The following AGBL1 variants were observed in gnomAD, a reference collection of about 807,000 sequenced individuals.
AGBL1 encodes the protein AGBL carboxypeptidase 1, also known as cytosolic carboxypeptidase 4.
AGBL1 carries 130 observed loss-of-function variants against 118.9 expected under a neutral mutation model. The observed-to-expected ratio is 1.09, with a 90% confidence interval of 0.95 to 1.26. The LOEUF (loss-of-function observed/expected upper bound fraction) is 1.26. AGBL1 is among the 50% of genes most tolerant of loss of function. AGBL1 has a pLI of 0.00. For synonymous variants in AGBL1, 555 were observed against 478.9 expected, an observed-to-expected ratio of 1.16 and a Z score of -2.08; for missense variants, 1,584 against 1,298.1, an observed-to-expected ratio of 1.22 and a Z score of -3.38.
intron 22 of AGBL1, among the ~76,000 whole-genome samples, chr15:86,718,390 G>T (rs1427645959): frequency 6.6e-6 from 1 of 152,198 alleles, no homozygotes; most frequent in East Asian, 1.9e-4. Context: ...GCCTCGTGGG[G>T]TGGGTGTAGG....
chr15:86,297,089 G>A (rs2079657228), intron 17 of AGBL1: 1 of 152,066 alleles, frequency 6.6e-6, no homozygotes, highest in Admixed American at 6.6e-5. Flanking sequence ...TAAAAAAAGA[G>A]AGAGAAAGAG....
In AGBL1 at chr15:86,500,556, A is replaced by G. The variant is rs1038078266; in HGVS notation, c.2556-22254A>G. 2.0e-5 allele frequency among the ~76,000 whole-genome samples: 3 copies of G among 151,630 alleles called. No homozygotes were observed. The Admixed American group carries it at 2.0e-4, about 10-fold the overall frequency. On this transcript the variant is annotated intron_variant, in intron 18 of 22. Transcript: ENST00000614907. ...GCTATTCAGTTATTTCAAGTGGGTA[A>G]AGTGGTTTTTAACATATTCACAAAT...
In AGBL1 at chr15:86,563,393, C is replaced by T. The variant is rs561729424; in HGVS notation, c.2994+8856C>T. ...AACATCTTTATTTCTGCCTTCATTT[C>T]GTTATGTACCCAGTAGTCATTCAGG... On this transcript the variant is annotated intron_variant, in intron 21 of 22. Transcript: ENST00000614907. Among the ~76,000 whole-genome samples the T allele has an allele frequency of 9.2e-5, 14 of 152,274 alleles. No individual in the cohort carries two copies. The South Asian group carries it at 1.2e-3, about 14-fold the overall frequency.
At chr15:86,536,024 G>A (rs896895244) in intron 19 of AGBL1, among the ~76,000 whole-genome samples, 1 of 152,100 alleles carries the variant, frequency 6.6e-6, no homozygotes, top group African/African-American at 2.4e-5. Context: ...AGGAAGGACA[G>A]AATACCCATA....
At chr15:86,364,523 T>G (rs2080850274) in intron 17 of AGBL1, among the ~76,000 whole-genome samples, 1 of 152,174 alleles carries the variant, frequency 6.6e-6, no homozygotes, top group Non-Finnish European at 1.5e-5. Context: ...CATTGACTGC[T>G]GCCCCACCTC....
At chr15:86,306,156 G>A (rs1375525122) in intron 17 of AGBL1, among the ~76,000 whole-genome samples, 2 of 152,012 alleles carry the variant, frequency 1.3e-5, no homozygotes, top group Non-Finnish European at 2.9e-5. Context: ...TATCCTTTGA[G>A]TTACAAATAA....
intron 22 of AGBL1, among the ~76,000 whole-genome samples, chr15:86,786,069 T>C (rs2141319521): frequency 6.6e-6 from 1 of 152,242 alleles, no homozygotes; most frequent in East Asian, 1.9e-4. Context: ...GACTTTTTGG[T>C]TTTCTGGATT....
intron 21 of AGBL1, among the ~76,000 whole-genome samples, chr15:86,637,726 T>C (rs190802070): frequency 1.6e-3 from 247 of 152,170 alleles, no homozygotes; most frequent in Non-Finnish European, 2.9e-3. Context: ...ATTTTGCAGG[T>C]AGAATCAACA....
At chr15:86,126,813 T>C (rs1344440796) in intron 1 of AGBL1, among the ~76,000 whole-genome samples, 1 of 152,256 alleles carries the variant, frequency 6.6e-6, no homozygotes, top group Non-Finnish European at 1.5e-5. Flanking sequence ...TTATAATTGA[T>C]ACACCAAATC....
At chr15:86,154,895 T>C (rs1331890789) in intron 4 of AGBL1, among the ~76,000 whole-genome samples, 1 of 152,188 alleles carries the variant, frequency 6.6e-6, no homozygotes, top group East Asian at 1.9e-4. Context: ...GGGCAGACTT[T>C]ATTTAGTCCT....
chr15:87,010,310 T>C (rs2081545557), intron 24 of AGBL1, among the ~76,000 whole-genome samples: 1 of 152,172 alleles, frequency 6.6e-6, no homozygotes, highest in Non-Finnish European at 1.5e-5. Flanking sequence ...AAGATTGACT[T>C]GCTCCTCCTT....
At chr15:86,160,673 T>C (rs2077255577) in intron 5 of AGBL1, among the ~76,000 whole-genome samples, 1 of 152,248 alleles carries the variant, frequency 6.6e-6, no homozygotes, top group Admixed American at 6.5e-5. Context: ...TCTTCTAATC[T>C]GATGCTGTCA....
intron 22 of AGBL1, among the ~76,000 whole-genome samples, chr15:86,675,796 C>A (rs1389437241): frequency 6.6e-6 from 1 of 152,156 alleles, no homozygotes; most frequent in African/African-American, 2.4e-5. Flanking sequence ...CCCCCTCTCT[C>A]CTCTGCTGCT....
chr15:86,334,112 AC>A (rs1371646461), intron 17 of AGBL1, among the ~76,000 whole-genome samples: 1 of 152,194 alleles, frequency 6.6e-6, no homozygotes, highest in Non-Finnish European at 1.5e-5. Context: ...CTTTCTGAGA[AC>A]TGGAACAAGA....
chr15:86,423,474 C>T (rs973347507), intron 18 of AGBL1, among the ~76,000 whole-genome samples: 1 of 151,682 alleles, frequency 6.6e-6, no homozygotes, highest in African/African-American at 2.4e-5. Flanking sequence ...TGAAAACCAG[C>T]ACTAGACAAG....
intron 22 of AGBL1, among the ~76,000 whole-genome samples, chr15:86,727,476 A>G (rs956979641): frequency 1.3e-5 from 2 of 152,194 alleles, no homozygotes; most frequent in South Asian, 4.1e-4. Context: ...TGGACTATCA[A>G]CTAATGAACA....
chr15:86,842,211 C>T (rs2079255444), intron 22 of AGBL1, among the ~76,000 whole-genome samples: 1 of 136,642 alleles, frequency 7.3e-6, no homozygotes, highest in South Asian at 2.4e-4. Flanking sequence ...CCTCAGCCAT[C>T]GATATTAAAA....
chr15:86,164,843 AC>A (rs2077315852), intron 5 of AGBL1, among the ~76,000 whole-genome samples: 1 of 152,162 alleles, frequency 6.6e-6, no homozygotes, highest in African/African-American at 2.4e-5. Flanking sequence ...CGGGCTGCTC[AC>A]AGGCTGGGAT....
intron 18 of AGBL1, among the ~76,000 whole-genome samples, chr15:86,404,572 C>G (rs1190854064): frequency 6.6e-6 from 1 of 152,154 alleles, no homozygotes; most frequent in African/African-American, 2.4e-5. Flanking sequence ...TTTCACAGAT[C>G]TGTTGAATTT....
Sources: gnomAD v4.1 joint callset for allele counts (sites outside exome capture counted in the v4.1 genomes callset) on GRCh38, gnomAD v4.1.1 for gene constraint, MANE v1.5 for transcripts, NCBI Gene and HGNC (gene_info 2026-07-23, HGNC 2026-07-21) for gene names.